The following GPI variants were observed in gnomAD, a reference collection of about 807,000 sequenced individuals.
The protein encoded by GPI is D-hexose-6-phosphate anomerase.
GPI carries 56 observed loss-of-function variants against 75.8 expected under a neutral mutation model. The observed-to-expected ratio is 0.74, with a 90% CI of 0.60 to 0.92. The LOEUF is 0.92. Ranked by LOEUF, GPI falls within the 40% of genes least tolerant of loss-of-function variation. The probability of loss-of-function intolerance (pLI) is 0.00; values close to 1 mark genes in which losing one functional copy is unlikely to be tolerated. For missense variants in GPI, 638 were observed against 741.0 expected, an observed-to-expected ratio of 0.86 and a Z score of 1.61; for synonymous variants, 288 against 285.4, an observed-to-expected ratio of 1.01 and a Z score of -0.09.
Position 34,400,040 on chromosome 19 carries a change from C to G in GPI, c.*4C>G. ...GCGCGAGGCCAGAGTCCAATAAACTCGTGCTCATCTGCAGCCTCCTCTGTG... is the reference window on the plus strand; with the variant it reads ...GCGCGAGGCCAGAGTCCAATAAACTGGTGCTCATCTGCAGCCTCCTCTGTG... On this transcript the variant is annotated 3_prime_UTR_variant, in exon 18 of 18. Coordinates refer to ENST00000356487, the MANE Select transcript of GPI (RefSeq NM_000175.5). 4 of 1,610,360 alleles carry G rather than the reference C, an allele frequency of 2.5e-6. No individual in the cohort carries two copies. The highest frequency in any genetic ancestry group is 3.4e-6 in the Non-Finnish European group (4 of 1,179,902).
intron 9 of GPI, among the ~76,000 whole-genome samples, chr19:34,389,504 G>A (rs181317244): frequency 1.3e-5 from 2 of 152,296 alleles, no homozygotes; most frequent in South Asian, 2.1e-4. Context: ...ACAGCCCAAG[G>A]CATCTACTGG....
chr19:34,399,435 A>C (rs1416713978), intron 15 of GPI, 100 bp downstream of exon 15: 4 of 1,575,700 alleles, frequency 2.5e-6, no homozygotes, highest in Non-Finnish European at 3.5e-6. Context: ...CTTGTCCTAC[A>C]GAATGGGAGG....
rs577625619 is a variant in GPI, at chr19:34,381,719, C to T, written c.804+200C>T. Reference sequence around the variant, plus strand: ...TGAGGGCTCCACTTCCACCTGAGGGCGGGCTGAGCTTGCAGGGCCACATGA... The same window carrying T: ...TGAGGGCTCCACTTCCACCTGAGGGTGGGCTGAGCTTGCAGGGCCACATGA... On this transcript the variant is annotated intron_variant, in intron 9 of 17. Coordinates refer to ENST00000356487, the MANE Select transcript of GPI (RefSeq NM_000175.5). 6.3e-4 allele frequency: 403 copies of T among 638,678 alleles called. 3 individuals are homozygous for T. The Middle Eastern group carries it at 0.012, about 19-fold the overall frequency. The allele number at this position is 638,678 out of a possible 1,614,324, so 39.6% of individuals were successfully genotyped here.
chr19:34,384,699 A>T, intron 9 of GPI, among the ~76,000 whole-genome samples: 1 of 152,118 alleles, frequency 6.6e-6, no homozygotes. Context: ...AGGTCTGAGG[A>T]GCTGGGATCT....
chr19:34,391,858 A>G (rs1599847704), intron 9 of GPI, among the ~76,000 whole-genome samples: 3 of 574 alleles, frequency 5.2e-3, no homozygotes, highest in Admixed American at 0.015. Context: ...AGGATCTGGC[A>G]TAAGCATGAG....
At chr19:34,377,957 C>G in intron 6 of GPI, 76 bp downstream of exon 6, 1 of 1,493,492 alleles carries the variant, frequency 6.7e-7, no homozygotes. Flanking sequence ...CTTGCCATCC[C>G]CCTGGCCATT....
chr19:34,392,307 G>A (rs1796997184), intron 9 of GPI: 1 of 304 alleles, frequency 3.3e-3, no homozygotes, highest in African/African-American at 0.021. Context: ...TAGGAATCTG[G>A]TACAGGTGTG....
chr19:34,366,296 C>T (rs761704715), intron 1 of GPI, 49 bp from the exon 2 acceptor site: 7 of 1,236,862 alleles, frequency 5.7e-6, no homozygotes, highest in Non-Finnish European at 8.4e-6. Flanking sequence ...GCATGGCTCC[C>T]CGCTAGGGAG....
intron 12 of GPI, among the ~76,000 whole-genome samples, chr19:34,395,517 G>A (rs1003656637): frequency 1.3e-5 from 2 of 152,164 alleles, no homozygotes; most frequent in Non-Finnish European, 1.5e-5. Flanking sequence ...ACTCCAGCCT[G>A]AGTGACAGAG....
chr19:34,384,962 G>A (rs1468594225), intron 9 of GPI, among the ~76,000 whole-genome samples: 1 of 150,544 alleles, frequency 6.6e-6, no homozygotes, highest in African/African-American at 2.4e-5. Flanking sequence ...AGAATTGCTT[G>A]AACTGGGGAG....
chr19:34,399,038 T>C (rs2145435557), intron 14 of GPI, 169 bp from the exon 15 acceptor site: 2 of 578,320 alleles, frequency 3.5e-6, no homozygotes, highest in East Asian at 3.1e-5. Flanking sequence ...CAGTTATCAC[T>C]GTTCCCTGCC....
chr19:34,374,700 CTTTTCTT>C, intron 4 of GPI, among the ~76,000 whole-genome samples: 1 of 151,214 alleles, frequency 6.6e-6, no homozygotes, highest in Non-Finnish European at 1.5e-5. Context: ...ATAATTATTT[CTTTTCTT>C]TTCTTTCTTT....
intron 6 of GPI, 93 bp from the exon 7 acceptor site, chr19:34,378,841 G>A (rs1467292327): frequency 3.5e-6 from 3 of 859,528 alleles, no homozygotes; most frequent in African/African-American, 1.7e-5. Flanking sequence ...TGGGACAGCT[G>A]GGCATTGCCT....
rs8191364 is a variant in GPI at position 34,367,297 on chromosome 19, G to C, written c.282+446G>C. 8.3e-3 allele frequency: 2,684 copies of C among 321,634 alleles called. 26 individuals are homozygous for C. The highest frequency in any genetic ancestry group is 0.017 in the Middle Eastern group (15 of 876). 19.9% of individuals were successfully genotyped at this position (321,634 alleles called of 1,614,324 possible). A position where few individuals can be genotyped will look rare whatever the true frequency, so the allele number is the denominator to read the frequency against. ...TGACTCAGTATGGGAGCCCAGCCTG[G>C]AGGTATAATGGACACTGAGCACCCA... On this transcript the variant is annotated intron_variant, in intron 3 of 17. Transcript: ENST00000356487.
At chr19:34,383,189 G>T (rs1296148291) in intron 9 of GPI, among the ~76,000 whole-genome samples, 2 of 152,202 alleles carry the variant, frequency 1.3e-5, no homozygotes. Context: ...TCAGGGCTCG[G>T]CCAGGGTCAG....
Position 34,400,641 on chromosome 19 carries a change from G to C in GPI, c.*605G>C. The C allele has an allele frequency of 4.9e-6, 2 of 407,092 alleles. No homozygotes were observed. Among genetic ancestry groups the C allele is most frequent in the Non-Finnish European group, 8.7e-6 (2 of 230,622 alleles). The allele number at this position is 407,092 out of a possible 1,614,324, so 25.2% of individuals were successfully genotyped here. A position where few individuals can be genotyped will look rare whatever the true frequency, so the allele number is the denominator to read the frequency against. Reference sequence around the variant, plus strand: ...CTGCATTGAGATTATGTTTGTTTCGGGTGAATTCCTGGACAAGACCGAGGA... The same window carrying C: ...CTGCATTGAGATTATGTTTGTTTCGCGTGAATTCCTGGACAAGACCGAGGA... On this transcript the variant is annotated 3_prime_UTR_variant, in exon 18 of 18. Coordinates refer to ENST00000356487, the MANE Select transcript of GPI (RefSeq NM_000175.5).
chr19:34,394,169 T>C (rs1263550212), intron 12 of GPI, 103 bp downstream of exon 12: 1 of 831,814 alleles, frequency 1.2e-6, no homozygotes, highest in East Asian at 2.6e-5. Flanking sequence ...TTTGCCCCAT[T>C]GCCCTTGGGC....
At position 34,393,890 on chromosome 19, in the gene GPI, C is replaced by T. The variant is rs112683259; in HGVS notation, c.910-24C>T. 18 of 1,613,166 alleles carry T rather than the reference C, an allele frequency of 1.1e-5. No individual in the cohort carries two copies. The South Asian group carries it at 1.4e-4, about 13-fold the overall frequency. ...CCCTCCCCGTGCAGCTGCTCAGCTC[C>T]CACTCATCCTGCTCCTGTTTCAGGA... is the stretch of plus-strand genomic sequence containing the variant. On this transcript the variant is annotated intron_variant, in intron 11 of 17. Coordinates refer to ENST00000356487, the MANE Select transcript of GPI (RefSeq NM_000175.5). This position sits in a 1 kb window ranked among gnomAD's most constrained non-coding sequence, Gnocchi z 4.4.
At position 34,400,450 on chromosome 19, in the gene GPI, G is replaced by C. The variant is rs1046351483; in HGVS notation, c.*414G>C. ...GGACACTTAACACTAAGTGGTGAGC[G>C]GGTCTAGAGTGGAGCAAGGTGCCCT... On this transcript the variant is annotated 3_prime_UTR_variant, in exon 18 of 18. Coordinates refer to ENST00000356487, the MANE Select transcript of GPI (RefSeq NM_000175.5). The C allele has an allele frequency of 1.7e-6, 1 of 578,078 alleles. No individual in the cohort carries two copies. The highest frequency in any genetic ancestry group is 1.9e-5 in the African/African-American group (1 of 53,662). 35.8% of individuals were successfully genotyped at this position (578,078 alleles called of 1,614,324 possible).
Sources: gnomAD v4.1 joint callset for allele counts (sites outside exome capture counted in the v4.1 genomes callset) on GRCh38, gnomAD v4.1.1 for gene constraint, Gnocchi (gnomAD v3.1) non-coding constraint, MANE v1.5 for transcripts, NCBI Gene and HGNC (gene_info 2026-07-23, HGNC 2026-07-21) for gene names.